The following WDR17 variants were observed in gnomAD, a reference collection of about 807,000 sequenced individuals.
WDR17 encodes WD repeat domain 17, also known as WD repeat-containing protein 17.
In WDR17, 143 loss-of-function variants were observed where a neutral mutation model predicts 161.7. The observed-to-expected ratio is 0.88, with a 90% CI of 0.77 to 1.02. WDR17 has a LOEUF of 1.02. Ranked by LOEUF, WDR17 falls within the 50% of genes least tolerant of loss-of-function variation. The pLI is 0.00. For missense variants in WDR17, 1,469 were observed against 1,520.9 expected (o/e 0.97, Z 0.57); for synonymous variants, 517 against 515.6 (o/e 1.00, Z -0.04).
chr4:176,126,235 G>A (rs1330417444), intron 5 of WDR17, among the ~76,000 whole-genome samples: 3 of 152,180 alleles, frequency 2.0e-5, no homozygotes, highest in Non-Finnish European at 4.4e-5. Context: ...CTAGTCAAGA[G>A]GTCATGAGAG....
intron 21 of WDR17, 139 bp downstream of exon 21, chr4:176,162,313 A>C: frequency 3.2e-6 from 2 of 632,200 alleles, no homozygotes; most frequent in Non-Finnish European, 5.4e-6. Context: ...AAGTAATTAC[A>C]TTCCTAATTA....
At chr4:176,094,123 T>G (rs1469163679) in intron 1 of WDR17, among the ~76,000 whole-genome samples, 1 of 151,688 alleles carries the variant, frequency 6.6e-6, no homozygotes, top group East Asian at 1.9e-4. Context: ...CAAAAACAAT[T>G]TCTTAAGTGA....
chr4:176,111,048 G>A (rs1315432479), intron 1 of WDR17, among the ~76,000 whole-genome samples: 1 of 152,212 alleles, frequency 6.6e-6, no homozygotes, highest in African/African-American at 2.4e-5. Context: ...TTGTGAGGAT[G>A]AAGAGTTGAT....
chr4:176,069,680 G>A (rs34435561), intron 1 of WDR17, among the ~76,000 whole-genome samples: 85,660 of 151,888 alleles, frequency 0.56, 24,865 homozygotes, highest in Non-Finnish European at 0.63. Flanking sequence ...ATGTACCAGT[G>A]TCCCAGGCAG....
chr4:176,139,346 G>T (rs1744892648), intron 9 of WDR17, among the ~76,000 whole-genome samples: 2 of 151,500 alleles, frequency 1.3e-5, no homozygotes, highest in African/African-American at 4.8e-5. Flanking sequence ...ATATCCCCTG[G>T]CCCTTCCTCA....
intron 8 of WDR17, among the ~76,000 whole-genome samples, chr4:176,136,305 G>A (rs1223824277): frequency 6.6e-6 from 1 of 151,616 alleles, no homozygotes; most frequent in African/African-American, 2.4e-5. Flanking sequence ...CACCTCCACT[G>A]TAGGTTACCT....
At position 176,163,272 on chromosome 4, in the gene WDR17, A is replaced by G. The variant is rs1749310467; in HGVS notation, c.2969A>G (p.Lys990Arg). Residue 990 changes from lysine to arginine, a missense_variant, in exon 22 of 29, where the codon AAG (lysine) becomes AGG (arginine). Coordinates refer to ENST00000508596, the MANE Select transcript of WDR17 (RefSeq NM_181265.4). ...TATGCCTTAGAATTACTGGCGAGAA[A>G]GTGCATGATGATTTCAGTATGGTAA... ...THYALELLAR[K>R]CMMISVWNLA... 1 of 1,610,984 alleles carries G rather than the reference A, an allele frequency of 6.2e-7. No individual in the cohort carries two copies. Among genetic ancestry groups the G allele is most frequent in the African/African-American group, 1.3e-5 (1 of 74,796 alleles).
chr4:176,167,429 G>A (rs1749941528), intron 22 of WDR17, among the ~76,000 whole-genome samples: 2 of 150,418 alleles, frequency 1.3e-5, no homozygotes, highest in South Asian at 4.2e-4. Flanking sequence ...GGCGGATCAC[G>A]AGGTCAGGAG....
At position 176,150,187 on chromosome 4, in the gene WDR17, G is replaced by A. The variant is rs1202201176; in HGVS notation, c.2178+14G>A. Reference sequence around the variant, plus strand: ...GAATGTTTATCTGTAAGTATTACAGGAATTAAATGCGAATATTTTCCCTTT... The same window carrying A: ...GAATGTTTATCTGTAAGTATTACAGAAATTAAATGCGAATATTTTCCCTTT... On this transcript the variant is annotated intron_variant, in intron 15 of 28. Coordinates refer to ENST00000508596, the MANE Select transcript of WDR17 (RefSeq NM_181265.4). 1 of 1,607,718 alleles carries A rather than the reference G, an allele frequency of 6.2e-7. No homozygotes were observed. The highest frequency in any genetic ancestry group is 8.5e-7 in the Non-Finnish European group (1 of 1,178,046).
intron 3 of WDR17, among the ~76,000 whole-genome samples, chr4:176,116,189 C>T (rs1193340219): frequency 6.6e-6 from 1 of 151,282 alleles, no homozygotes; most frequent in Non-Finnish European, 1.5e-5. Flanking sequence ...AACATATGAT[C>T]GACTAAAAAC....
intron 7 of WDR17, among the ~76,000 whole-genome samples, chr4:176,133,788 A>G (rs1047502644): frequency 4.6e-5 from 7 of 151,624 alleles, no homozygotes; most frequent in Non-Finnish European, 8.9e-5. Context: ...AATTTTAAAA[A>G]TCTTATTAAT....
intron 1 of WDR17, among the ~76,000 whole-genome samples, chr4:176,087,795 C>T (rs556688089): frequency 2.6e-4 from 39 of 152,046 alleles, no homozygotes; most frequent in African/African-American, 9.4e-4. Flanking sequence ...TAAATTTCAG[C>T]CATTGTGTTT....
At chr4:176,152,590 C>T (rs1430372131) in intron 17 of WDR17, among the ~76,000 whole-genome samples, 1 of 72,748 alleles carries the variant, frequency 1.4e-5, no homozygotes, top group African/African-American at 6.0e-5. Flanking sequence ...TGGGTAACTC[C>T]ATCTCAAAAA....
chr4:176,074,810 C>CTTTTTTTTTTTTT (rs386357678), intron 1 of WDR17, among the ~76,000 whole-genome samples: 42 of 79,176 alleles, frequency 5.3e-4, no homozygotes, highest in Non-Finnish European at 8.0e-4. Context: ...TTTTTTAATG[C>CTTTTTTTTTTTTT]TTTTTTTTTT....
chr4:176,077,185 T>C (rs1734164234), intron 1 of WDR17, among the ~76,000 whole-genome samples: 1 of 121,242 alleles, frequency 8.2e-6, no homozygotes, highest in Non-Finnish European at 1.6e-5. Flanking sequence ...TTTTTTTCAC[T>C]AAGAGCTGTA....
intron 1 of WDR17, among the ~76,000 whole-genome samples, chr4:176,091,225 A>G (rs573883278): frequency 6.6e-6 from 1 of 152,230 alleles, no homozygotes; most frequent in South Asian, 2.1e-4. Context: ...TGCATCATTT[A>G]TAAGAGGAGA....
intron 1 of WDR17, among the ~76,000 whole-genome samples, chr4:176,066,788 A>C (rs2126528480): frequency 6.6e-6 from 1 of 152,120 alleles, no homozygotes; most frequent in South Asian, 2.1e-4. Flanking sequence ...ATATTTAACA[A>C]GGGTTTGAAG....
chr4:176,071,524 T>C (rs535088934), intron 1 of WDR17, among the ~76,000 whole-genome samples: 16 of 152,254 alleles, frequency 1.1e-4, no homozygotes, highest in Non-Finnish European at 2.1e-4. Context: ...GGTTTCACCA[T>C]GTTGGTCAGG....
chr4:176,162,809 TAAA>T (rs1359539966), intron 21 of WDR17, among the ~76,000 whole-genome samples: 3 of 152,122 alleles, frequency 2.0e-5, no homozygotes, highest in Non-Finnish European at 4.4e-5. Flanking sequence ...TATATAATCT[TAAA>T]GAAGCTCTTA....
Sources: gnomAD v4.1 joint callset for allele counts (sites outside exome capture counted in the v4.1 genomes callset) on GRCh38, gnomAD v4.1.1 for gene constraint, MANE v1.5 for transcripts, NCBI Gene and HGNC (gene_info 2026-07-23, HGNC 2026-07-21) for gene names.